ADAMTS15: variants seen among roughly 807,000 people sequenced by gnomAD.
ADAMTS15 encodes ADAM metallopeptidase with thrombospondin type 1 motif 15.
A neutral mutation model predicts 79.1 loss-of-function variants in ADAMTS15; 35 were observed. That is an observed-to-expected ratio of 0.44 (90% CI 0.34 to 0.59). The LOEUF (loss-of-function observed/expected upper bound fraction) is 0.59. Ranked by LOEUF, ADAMTS15 falls within the 20% of genes least tolerant of loss-of-function variation. The probability of loss-of-function intolerance (pLI) is 0.02; values close to 1 mark genes in which losing one functional copy is unlikely to be tolerated. For synonymous variants in ADAMTS15, 616 were observed against 567.3 expected (o/e 1.09, Z -1.22); for missense variants, 1,324 against 1,318.7 (o/e 1.00, Z -0.06).
rs11222114 is a variant in ADAMTS15 at position 130,471,067 on chromosome 11, A to G, written c.1868A>G (p.Asn623Ser). 0.017 allele frequency: 27,288 copies of G among 1,614,056 alleles called. 2,267 individuals carry two copies. The East Asian group carries it at 0.28, about 17-fold the overall frequency. Residue 623 changes from asparagine to serine, a missense_variant, in exon 6 of 8, where the codon AAT (asparagine) becomes AGT (serine). Asn to Ser is a conservative substitution (Grantham distance 46). Coordinates refer to ENST00000299164, the MANE Select transcript of ADAMTS15 (RefSeq NM_139055.4). Reference sequence around the variant, plus strand: ...AAGTGCAAGCTCATCTGCCGAGCCAATGGCACTGGCTACTTCTATGTGCTG... The same window carrying G: ...AAGTGCAAGCTCATCTGCCGAGCCAGTGGCACTGGCTACTTCTATGTGCTG... ...RDKCKLICRA[N>S]GTGYFYVLAP...
intron 1 of ADAMTS15, among the ~76,000 whole-genome samples, chr11:130,459,984 T>G (rs1938165257): frequency 6.6e-6 from 1 of 152,126 alleles, no homozygotes; most frequent in South Asian, 2.1e-4. Flanking sequence ...TGGAAGGTGG[T>G]AGTAATAGTC....
At chr11:130,463,568 G>A (rs1007164155) in intron 4 of ADAMTS15, among the ~76,000 whole-genome samples, 2 of 152,102 alleles carry the variant, frequency 1.3e-5, no homozygotes, top group Non-Finnish European at 2.9e-5. Context: ...GCTCGGGGAC[G>A]ACTTGCCTCT....
Position 130,462,121 on chromosome 11 carries a change from A to T in ADAMTS15, c.1125A>T (p.Lys375Asn). The T allele has an allele frequency of 1.9e-6, 3 of 1,614,086 alleles. No individual in the cohort carries two copies. Among genetic ancestry groups the T allele is most frequent in the Non-Finnish European group, 2.5e-6 (3 of 1,180,012 alleles). The change falls in exon 3 of 8, where the codon AAA (lysine) becomes AAT (asparagine). Residue 375 changes from lysine to asparagine, a missense_variant. By Grantham distance (94) the Lys-to-Asn change is moderately conservative. Transcript: ENST00000299164. This position sits in a 1 kb window ranked among gnomAD's most constrained non-coding sequence, Gnocchi z 4.3. ...HVFNMPHDNV[K>N]VCEEVFGKLR... ...TCAACATGCCCCATGACAATGTGAA[A>T]GTCTGTGAGGAGGTGTTTGGGAAGC...
intron 1 of ADAMTS15, chr11:130,450,523 C>T: frequency 1.3e-6 from 1 of 790,974 alleles, no homozygotes; most frequent in Admixed American, 6.2e-5. Flanking sequence ...GACTCAAGTA[C>T]TGCGAGCATC....
Position 130,473,621 on chromosome 11 carries a change from G to T in ADAMTS15, c.2653G>T (p.Val885Leu), listed in dbSNP as rs150684307. ...TGCCTGTGATGCAGCCCATCGGCCC[G>T]TGGAGACACAAGCCTGCGGGGAGCC... ...VPACDAAHRP[V>L]ETQACGEPCP... The change falls in exon 8 of 8, where the codon GTG becomes TTG. Residue 885 changes from valine (V) to leucine (L), a missense_variant. Coordinates refer to ENST00000299164, the MANE Select transcript of ADAMTS15 (RefSeq NM_139055.4). 2.5e-6 allele frequency: 4 copies of T among 1,609,734 alleles called. No individual in the cohort carries two copies. Among genetic ancestry groups the T allele is most frequent in the South Asian group, 2.2e-5 (2 of 91,054 alleles).
chr11:130,469,043 G>T (rs1379221644), intron 4 of ADAMTS15, among the ~76,000 whole-genome samples: 1 of 151,922 alleles, frequency 6.6e-6, no homozygotes, highest in Non-Finnish European at 1.5e-5. Context: ...TTGCACCTGG[G>T]AGCAGTTGCT....
chr11:130,460,250 G>A lies in ADAMTS15; in HGVS notation c.958-1239G>A, dbSNP rs7935246. On this transcript the variant is annotated intron_variant, in intron 1 of 7. Coordinates refer to ENST00000299164, the MANE Select transcript of ADAMTS15 (RefSeq NM_139055.4). Reference sequence around the variant, plus strand: ...AGGCAGCGATGTAATGAGAGAACCAGCATCACTGATTCAACACACATCTTC... The same window carrying A: ...AGGCAGCGATGTAATGAGAGAACCAACATCACTGATTCAACACACATCTTC... Among the ~76,000 whole-genome samples the A allele has an allele frequency of 1.6e-3, 250 of 151,850 alleles. 3 individuals are homozygous for A. Among genetic ancestry groups the A allele is most frequent in the African/African-American group, 5.8e-3 (240 of 41,384 alleles).
At chr11:130,450,278 G>C (rs1183954445) in intron 1 of ADAMTS15, 1 of 985,506 alleles carries the variant, frequency 1.0e-6, no homozygotes, top group Non-Finnish European at 1.2e-6. Context: ...GACGCCGTGA[G>C]GATGGTGTTG....
intron 1 of ADAMTS15, 104 bp from the exon 2 acceptor site, chr11:130,461,385 G>A (rs1286590064): frequency 6.6e-7 from 1 of 1,523,410 alleles, no homozygotes; most frequent in Non-Finnish European, 8.9e-7. Flanking sequence ...AGGTTGGAAT[G>A]AGATGAGCTG....
At chr11:130,456,185 A>T (rs917541843) in intron 1 of ADAMTS15, among the ~76,000 whole-genome samples, 1 of 152,134 alleles carries the variant, frequency 6.6e-6, no homozygotes, top group African/African-American at 2.4e-5. Context: ...AAGGCAGATA[A>T]AACTCTCGCG....
rs61753091 is a variant in ADAMTS15 at position 130,473,248 on chromosome 11, C to T, written c.2280C>T (p.Ser760=). The T allele has an allele frequency of 5.5e-3, 8,802 of 1,613,620 alleles. 49 individuals carry two copies. The highest frequency in any genetic ancestry group is 0.028 in the Middle Eastern group (171 of 6,062). The part of the protein sequence containing the change: ...LVVKGSLLRY[S]GTGTAVESLQ... ...TGAAGGGCAGTCTGCTGCGGTACAG[C>T]GGCACGGGCACAGCGGTGGAGAGCC... Residue 760 remains serine (S), a synonymous_variant, in exon 8 of 8, where the codon AGC becomes AGT. Coordinates refer to ENST00000299164, the MANE Select transcript of ADAMTS15 (RefSeq NM_139055.4).
At chr11:130,463,129 G>A (rs189245781) in intron 4 of ADAMTS15, among the ~76,000 whole-genome samples, 185 of 152,218 alleles carry the variant, frequency 1.2e-3, no homozygotes, top group African/African-American at 4.3e-3. Context: ...TGTCAGGAGC[G>A]GCTCACTCGC....
chr11:130,464,065 C>T (rs962343393), intron 4 of ADAMTS15, among the ~76,000 whole-genome samples: 3 of 152,078 alleles, frequency 2.0e-5, no homozygotes, highest in African/African-American at 7.2e-5. Context: ...AGCTGCAGGG[C>T]TGTGTAGATG....
At position 130,473,626 on chromosome 11, in the gene ADAMTS15, G is replaced by A. The variant is rs776143239; in HGVS notation, c.2658G>A (p.Glu886=). The A allele has an allele frequency of 1.9e-6, 3 of 1,609,586 alleles. No individual in the cohort carries two copies. In the Admixed American group the frequency reaches 5.0e-5, roughly 27 times the overall value. ...PACDAAHRPV[E]TQACGEPCPT... ...GTGATGCAGCCCATCGGCCCGTGGA[G>A]ACACAAGCCTGCGGGGAGCCCTGCC... Residue 886 remains glutamate, a synonymous_variant, in exon 8 of 8, where the codon GAG becomes GAA. Transcript: ENST00000299164.
chr11:130,468,683 T>A (rs906355256), intron 4 of ADAMTS15, among the ~76,000 whole-genome samples: 1 of 145,260 alleles, frequency 6.9e-6, no homozygotes, highest in Non-Finnish European at 1.5e-5. Context: ...GAGAATGGCG[T>A]GAACCCAGGA....
At chr11:130,457,849 G>C (rs753596473) in intron 1 of ADAMTS15, among the ~76,000 whole-genome samples, 35 of 152,166 alleles carry the variant, frequency 2.3e-4, no homozygotes, top group Non-Finnish European at 4.6e-4. Flanking sequence ...CTGCCGGGGT[G>C]GGGAGGAGGA....
At chr11:130,470,209 T>TATATATATATACAC (rs1491377478) in intron 5 of ADAMTS15, among the ~76,000 whole-genome samples, 4 of 60,100 alleles carry the variant, frequency 6.7e-5, no homozygotes, top group African/African-American at 3.8e-4. Context: ...TATATATATA[T>TATATATATATACAC]GTATATATAT....
chr11:130,469,385 G>C lies in ADAMTS15; in HGVS notation c.1666G>C (p.Glu556Gln), dbSNP rs752805088. Reference protein sequence around the residue: ...PTPANGGKYCEGVRVKYRSCN... With the variant: ...PTPANGGKYCQGVRVKYRSCN... ...CCCTGCCAACGGGGGCAAGTACTGC[G>C]AGGGAGTGAGGGTGAAATACCGATC... is the stretch of plus-strand genomic sequence containing the variant. Residue 556 changes from glutamate to glutamine, a missense_variant, in exon 5 of 8, where the codon GAG becomes CAG. Glu to Gln is a conservative substitution (Grantham distance 29). Transcript: ENST00000299164. 7.4e-7 allele frequency: 1 copy of C among 1,354,780 alleles called. No homozygotes were observed. Among genetic ancestry groups the C allele is most frequent in the East Asian group, 2.8e-5 (1 of 35,840 alleles). The allele number at this position is 1,354,780 out of a possible 1,614,324, so 83.9% of individuals were successfully genotyped here.
rs538645952 is a variant in ADAMTS15, at chr11:130,452,624, T to C, written c.957+2694T>C. Among the ~76,000 whole-genome samples the C allele has an allele frequency of 3.2e-4, 49 of 152,360 alleles. No homozygotes were observed. The South Asian group carries it at 9.3e-3, about 29-fold the overall frequency. ...TTTATTTGTACACTCTTTTAATACT[T>C]GTTGAGCATTACTTATTATTATTTC... On this transcript the variant is annotated intron_variant, in intron 1 of 7. Coordinates refer to ENST00000299164, the MANE Select transcript of ADAMTS15 (RefSeq NM_139055.4).
Sources: gnomAD v4.1 joint callset for allele counts (sites outside exome capture counted in the v4.1 genomes callset) on GRCh38, gnomAD v4.1.1 for gene constraint, Gnocchi (gnomAD v3.1) non-coding constraint, MANE v1.5 for transcripts, NCBI Gene and HGNC (gene_info 2026-07-23, HGNC 2026-07-21) for gene names.